Variants in DHRSX observed in about 807,000 individuals in gnomAD.
The protein encoded by DHRSX is polyprenol dehydrogenase.
DHRSX carries 31 observed loss-of-function variants against 34.0 expected under a neutral mutation model. The observed-to-expected ratio is 0.91, with a 90% CI of 0.69 to 1.23. DHRSX has a LOEUF of 1.23. DHRSX is among the 50% of genes most tolerant of loss of function. The pLI, the probability that DHRSX is intolerant of heterozygous loss-of-function variation, is 0.00. For synonymous variants in DHRSX, 201 were observed against 183.8 expected, an observed-to-expected ratio of 1.09 and a Z score of -0.76; for missense variants, 414 against 428.1, an observed-to-expected ratio of 0.97 and a Z score of 0.29.
At chrX:2,498,879 C>T (rs2045345909) in intron 1 of DHRSX, among the ~76,000 whole-genome samples, 1 of 152,134 alleles carries the variant, frequency 6.6e-6, no homozygotes, top group African/African-American at 2.4e-5. Flanking sequence ...TTACTTCAAA[C>T]AAACATGCTC....
intron 1 of DHRSX, among the ~76,000 whole-genome samples, chrX:2,440,661 T>C (rs764381968): frequency 6.6e-6 from 1 of 152,004 alleles, no homozygotes; most frequent in East Asian, 1.9e-4. Context: ...CCAGGGTCTT[T>C]GGGTTTTGGA....
At chrX:2,469,092 G>C (rs1236450001) in intron 1 of DHRSX, among the ~76,000 whole-genome samples, 3 of 151,654 alleles carry the variant, frequency 2.0e-5, no homozygotes, top group African/African-American at 7.3e-5. Context: ...GTGGCTAAGG[G>C]ACCACTGCCA....
At chrX:2,421,616 T>C (rs894782656) in intron 2 of DHRSX, among the ~76,000 whole-genome samples, 1 of 152,102 alleles carries the variant, frequency 6.6e-6, no homozygotes, top group Non-Finnish European at 1.5e-5. Flanking sequence ...GAGGTTAGCA[T>C]CAGCAAGGTT....
At chrX:2,292,361 C>T (rs2041876817) in intron 3 of DHRSX, among the ~76,000 whole-genome samples, 1 of 152,158 alleles carries the variant, frequency 6.6e-6, no homozygotes, top group African/African-American at 2.4e-5. Context: ...CAGAGAGGAC[C>T]TCAGGCCAGA....
intron 1 of DHRSX, among the ~76,000 whole-genome samples, chrX:2,468,136 T>A (rs1223910953): frequency 6.6e-6 from 1 of 152,116 alleles, no homozygotes; most frequent in Non-Finnish European, 1.5e-5. Flanking sequence ...AAGTCTCTGA[T>A]GCGATGGGGG....
chrX:2,246,922 C>A (rs1395968997), intron 5 of DHRSX, among the ~76,000 whole-genome samples: 2 of 151,832 alleles, frequency 1.3e-5, no homozygotes, highest in East Asian at 3.9e-4. Context: ...ATAAATGATA[C>A]CACTGGGGAA....
At chrX:2,364,324 A>G (rs2042973842) in intron 3 of DHRSX, among the ~76,000 whole-genome samples, 1 of 152,128 alleles carries the variant, frequency 6.6e-6, no homozygotes, top group East Asian at 1.9e-4. Context: ...ATCCATGTCA[A>G]GTGGGTGGAG....
At chrX:2,308,408 A>T (rs2042125922) in intron 3 of DHRSX, among the ~76,000 whole-genome samples, 1 of 152,138 alleles carries the variant, frequency 6.6e-6, no homozygotes, top group South Asian at 2.1e-4. Context: ...CAATTGTTTT[A>T]ACAATTGTTC....
chrX:2,325,381 C>T (rs1243829773), intron 3 of DHRSX, among the ~76,000 whole-genome samples: 1 of 151,946 alleles, frequency 6.6e-6, no homozygotes, highest in Non-Finnish European at 1.5e-5. Context: ...TCCATCTTCC[C>T]GGCAGGAACT....
chrX:2,489,889 C>A (rs1008454830), intron 1 of DHRSX: 2 of 1,613,880 alleles, frequency 1.2e-6, no homozygotes, highest in East Asian at 2.2e-5. Flanking sequence ...GGGAGCACGC[C>A]TTCACGATGT....
chrX:2,297,508 T>C (rs1217404485), intron 3 of DHRSX, among the ~76,000 whole-genome samples: 1 of 152,192 alleles, frequency 6.6e-6, no homozygotes, highest in Non-Finnish European at 1.5e-5. Context: ...TCCTAATCTC[T>C]AGAACCTGTG....
At chrX:2,343,566 TCCAAATGGCTACCTTAA>T (rs1241614862) in intron 3 of DHRSX, among the ~76,000 whole-genome samples, 35 of 152,264 alleles carry the variant, frequency 2.3e-4, no homozygotes, top group Admixed American at 5.2e-4. Flanking sequence ...CTTCAGCAGC[TCCAAATGGCTACCTTAA>T]CAGATGCCAT....
chrX:2,483,255 T>TTTA (rs762011804), intron 1 of DHRSX, among the ~76,000 whole-genome samples: 3,470 of 151,296 alleles, frequency 0.023, 141 homozygotes, highest in African/African-American at 0.078. Flanking sequence ...TTGGCTAATT[T>TTTA]TTATTATTAT....
intron 3 of DHRSX, among the ~76,000 whole-genome samples, chrX:2,313,636 G>A (rs1313747807): frequency 6.6e-6 from 1 of 152,138 alleles, no homozygotes; most frequent in Non-Finnish European, 1.5e-5. Context: ...CAAAGTGCTA[G>A]AATTACAGGC....
chrX:2,257,004 CA>C (rs1432801442), intron 5 of DHRSX, among the ~76,000 whole-genome samples: 1 of 152,164 alleles, frequency 6.6e-6, no homozygotes, highest in Non-Finnish European at 1.5e-5. Flanking sequence ...GGCTGGAGTG[CA>C]GTGGTGCGAT....
chrX:2,317,115 G>A (rs1355717829), intron 3 of DHRSX, among the ~76,000 whole-genome samples: 7 of 151,932 alleles, frequency 4.6e-5, no homozygotes, highest in Non-Finnish European at 8.8e-5. Flanking sequence ...ACGTCACCAC[G>A]CCCGGCTAAT....
chrX:2,456,183 G>A (rs1268627921), intron 1 of DHRSX, among the ~76,000 whole-genome samples: 1 of 152,172 alleles, frequency 6.6e-6, no homozygotes, highest in Non-Finnish European at 1.5e-5. Flanking sequence ...CAGGGACAAT[G>A]TGCGGGACGC....
chrX:2,274,621 G>A (rs1054048679), intron 4 of DHRSX, among the ~76,000 whole-genome samples: 1 of 149,340 alleles, frequency 6.7e-6, no homozygotes, highest in African/African-American at 2.5e-5. Flanking sequence ...AGTAGAGATG[G>A]GGTTTTGTCA....
chrX:2,304,038 T>C (rs1449231104), intron 3 of DHRSX, among the ~76,000 whole-genome samples: 1 of 132,742 alleles, frequency 7.5e-6, no homozygotes, highest in Non-Finnish European at 1.7e-5. Context: ...GATGGATGGA[T>C]GGATGGATGG....
Sources: allele counts gnomAD v4.1 joint callset (sites outside exome capture counted in the v4.1 genomes callset), GRCh38; gene constraint gnomAD v4.1.1; transcripts MANE v1.5; gene names NCBI Gene and HGNC (gene_info 2026-07-23, HGNC 2026-07-21).